Variants in GPHN observed in about 807,000 individuals in gnomAD.
GPHN encodes the protein gephyrin.
GPHN carries 17 observed loss-of-function variants against 95.5 expected under a neutral mutation model. That is an observed-to-expected ratio of 0.18 (90% CI 0.12 to 0.27). The LOEUF (loss-of-function observed/expected upper bound fraction) is 0.27, where lower values mean the gene tolerates loss of function less well. Among genes scored for constraint, GPHN ranks in the 10% least tolerant of loss-of-function variants. The pLI is 1.00. For synonymous variants in GPHN, 320 were observed against 322.5 expected (o/e 0.99, Z 0.08); for missense variants, 660 against 978.1 (o/e 0.67, Z 4.34).
chr14:67,558,534 G>A, the GPHN span, among the ~76,000 whole-genome samples: 2 of 152,292 alleles, frequency 1.3e-5, no homozygotes, highest in East Asian at 1.9e-4. Context: ...AGTTAGAAGT[G>A]GCAGCATCTT....
At chr14:67,032,985 G>C (rs1267201575) in intron 10 of GPHN, among the ~76,000 whole-genome samples, 1 of 151,970 alleles carries the variant, frequency 6.6e-6, no homozygotes, top group Non-Finnish European at 1.5e-5. Flanking sequence ...CCTTTAAAAA[G>C]GTCACTGATC....
the GPHN span, chr14:67,269,587 A>G: frequency 6.6e-6 from 1 of 152,642 alleles, no homozygotes; most frequent in East Asian, 1.9e-4. Context: ...AATCCTAGCT[A>G]TCTGCAGACA....
chr14:66,647,609 T>G (rs1860719392), intron 1 of GPHN, among the ~76,000 whole-genome samples: 1 of 151,856 alleles, frequency 6.6e-6, no homozygotes, highest in Admixed American at 6.6e-5. Flanking sequence ...ACTTATAAGT[T>G]AGGCACAGTA....
intron 1 of GPHN, among the ~76,000 whole-genome samples, chr14:66,600,403 A>G (rs2062177790): frequency 6.6e-6 from 1 of 152,100 alleles, no homozygotes; most frequent in African/African-American, 2.4e-5. Flanking sequence ...TCACTGCTTG[A>G]AGTAGATTTG....
chr14:66,683,370 A>T lies in GPHN; in HGVS notation c.143+2185A>T, dbSNP rs370627376. ...TATATATATATATATATATATATATATATATATATGTTCATATATATATGT... is the reference window on the plus strand; with the variant it reads ...TATATATATATATATATATATATATTTATATATATGTTCATATATATATGT... On this transcript the variant is annotated intron_variant, in intron 2 of 22. Transcript: ENST00000478722. 1.3e-3 allele frequency among the ~76,000 whole-genome samples: 31 copies of T among 24,690 alleles called. 1 individual carries two copies. Among genetic ancestry groups the T allele is most frequent in the African/African-American group, 5.0e-3 (20 of 4,004 alleles). The allele number at this position is 24,690 out of a possible 152,430, so 16.2% of individuals were successfully genotyped here.
the GPHN span, among the ~76,000 whole-genome samples, chr14:67,574,054 A>G: frequency 6.6e-6 from 1 of 152,218 alleles, no homozygotes; most frequent in African/African-American, 2.4e-5. This position sits in a 1 kb window ranked among gnomAD's most constrained non-coding sequence, Gnocchi z 4.2. Flanking sequence ...ATGAGACAGA[A>G]TATGAGAGAT....
At chr14:67,130,955 T>C (rs1399202296) in intron 17 of GPHN, among the ~76,000 whole-genome samples, 17 of 152,190 alleles carry the variant, frequency 1.1e-4, no homozygotes, top group Admixed American at 1.0e-3. Context: ...GCCCATTTTC[T>C]AAGGGATCTA....
At chr14:67,397,680 C>T in the GPHN span, 1 of 1,611,926 alleles carries the variant, frequency 6.2e-7, no homozygotes, top group Non-Finnish European at 8.5e-7. Flanking sequence ...TTTCATACTC[C>T]AGGCAGGGGC....
chr14:67,632,316 A>G, the GPHN span, among the ~76,000 whole-genome samples: 2 of 152,246 alleles, frequency 1.3e-5, no homozygotes, highest in Non-Finnish European at 2.9e-5. Flanking sequence ...AGATGGTAAC[A>G]TAACTGACTT....
chr14:66,726,769 C>A (rs1000905208), intron 2 of GPHN, among the ~76,000 whole-genome samples: 2 of 152,140 alleles, frequency 1.3e-5, no homozygotes, highest in African/African-American at 4.8e-5. Flanking sequence ...TCTCTAAAAT[C>A]TGAAATTTTT....
chr14:67,449,592 G>T, the GPHN span, among the ~76,000 whole-genome samples: 5 of 152,178 alleles, frequency 3.3e-5, no homozygotes, highest in African/African-American at 1.2e-4. Context: ...GTGCTATGTG[G>T]TATAGCATCA....
chr14:67,314,053 G>A, the GPHN span, among the ~76,000 whole-genome samples: 2 of 151,248 alleles, frequency 1.3e-5, no homozygotes, highest in East Asian at 3.9e-4. Context: ...ATGTTTTTCT[G>A]GCCTTATCTT....
chr14:66,883,338 G>C (rs2153535714), intron 5 of GPHN, among the ~76,000 whole-genome samples: 1 of 151,802 alleles, frequency 6.6e-6, no homozygotes, highest in African/African-American at 2.4e-5. Flanking sequence ...TATATTTTCA[G>C]TTCTAAATTC....
chr14:67,391,142 G>A, the GPHN span, among the ~76,000 whole-genome samples: 9 of 152,212 alleles, frequency 5.9e-5, no homozygotes, highest in African/African-American at 2.2e-4. Flanking sequence ...CAAACCTACA[G>A]CTACATGTAT....
the GPHN span, among the ~76,000 whole-genome samples, chr14:67,404,442 G>A: frequency 6.6e-6 from 1 of 152,074 alleles, no homozygotes; most frequent in Admixed American, 6.5e-5. Context: ...GGGCAACATA[G>A]TGAGACCCTG....
At chr14:67,043,562 C>A (rs1201052746) in intron 10 of GPHN, among the ~76,000 whole-genome samples, 1 of 152,152 alleles carries the variant, frequency 6.6e-6, no homozygotes, top group Non-Finnish European at 1.5e-5. Flanking sequence ...ACCAGCCTTG[C>A]ATCCAGGTAT....
intron 1 of GPHN, among the ~76,000 whole-genome samples, chr14:66,577,411 C>T (rs2060952296): frequency 6.6e-6 from 1 of 152,162 alleles, no homozygotes; most frequent in African/African-American, 2.4e-5. Context: ...TTCTACCACA[C>T]ACCAGTGCTT....
the GPHN span, among the ~76,000 whole-genome samples, chr14:67,297,658 A>T: frequency 6.6e-6 from 1 of 152,166 alleles, no homozygotes; most frequent in Non-Finnish European, 1.5e-5. Flanking sequence ...TTTGAATAGC[A>T]GTTGTACATG....
chr14:67,567,853 G>A, the GPHN span, among the ~76,000 whole-genome samples: 1 of 146,296 alleles, frequency 6.8e-6, no homozygotes, highest in African/African-American at 2.8e-5. Context: ...CGTCAGCCTT[G>A]GTGACTCACG....
Sources: gnomAD v4.1 joint callset for allele counts (sites outside exome capture counted in the v4.1 genomes callset) on GRCh38, gnomAD v4.1.1 for gene constraint, Gnocchi (gnomAD v3.1) non-coding constraint, MANE v1.5 for transcripts, NCBI Gene and HGNC (gene_info 2026-07-23, HGNC 2026-07-21) for gene names.